Variants in TBL3 observed in about 807,000 individuals in gnomAD.
TBL3 encodes transducin beta-like protein 3.
A neutral mutation model predicts 102.7 loss-of-function variants in TBL3; 71 were observed. The ratio of observed to expected loss-of-function variants is 0.69; its 90% CI spans 0.57 to 0.84. The LOEUF is 0.84. Among genes scored for constraint, TBL3 ranks in the 40% least tolerant of loss-of-function variants. The pLI is 0.00. For missense variants in TBL3, 1,188 were observed against 1,098.5 expected (o/e 1.08, Z -1.15); for synonymous variants, 578 against 477.7 (o/e 1.21, Z -2.74).
chr16:1,975,564 T>A lies in TBL3; in HGVS notation c.841T>A (p.Cys281Ser). 4 of 1,598,820 alleles carry A rather than the reference T, an allele frequency of 2.5e-6. No homozygotes were observed. Among genetic ancestry groups the A allele is most frequent in the Non-Finnish European group, 3.4e-6 (4 of 1,178,486 alleles). ...CGTGTGGGAGGCAGCTTCTGGGCAG[T>A]GTGTGTACACGCAGGCCCAGCCGCC... The part of the protein sequence containing the change: ...LRVWEAASGQ[C>S]VYTQAQPPGP... Residue 281 changes from cysteine (C) to serine (S), a missense_variant, in exon 10 of 22, where the codon TGT becomes AGT. Cys to Ser is a moderately radical substitution (Grantham distance 112, BLOSUM62 -1). Transcript: ENST00000568546.
intron 8 of TBL3, 23 bp from the exon 9 acceptor site, chr16:1,975,322 C>G: frequency 6.2e-7 from 1 of 1,613,980 alleles, no homozygotes; most frequent in Middle Eastern, 1.7e-4. Flanking sequence ...ATGATAGCAG[C>G]CTGTGACCCA....
rs774248002 is a variant in TBL3 at position 1,975,087 on chromosome 16, C to T, written c.624C>T (p.His208=). ...VTSLAFSADG[H]TMLSSGRDKI... ...CACTGGCCTTCAGCGCCGACGGCCA[C>T]ACCATGCTCAGGTCAGCAGTGGGCC... Residue 208 remains histidine (H), a synonymous_variant, in exon 7 of 22, where the codon CAC becomes CAT. Transcript: ENST00000568546. The T allele has an allele frequency of 1.2e-6, 2 of 1,611,316 alleles. No individual in the cohort carries two copies. Among genetic ancestry groups the T allele is most frequent in the South Asian group, 1.1e-5 (1 of 91,080 alleles).
intron 12 of TBL3, 45 bp downstream of exon 12, chr16:1,976,159 G>GCCA (rs2083400024): frequency 6.2e-7 from 1 of 1,613,670 alleles, no homozygotes; most frequent in Non-Finnish European, 8.5e-7. Flanking sequence ...AGGCGGGGAG[G>GCCA]CCACGCAGTA....
Position 1,978,863 on chromosome 16 carries a change from A to C in TBL3, c.*178A>C. Reference sequence around the variant, plus strand: ...CTCGGCCCTGCCACGCCCATCCCGCACCCTGGCCTGGCAGAGATCCAGCCC... The same window carrying C: ...CTCGGCCCTGCCACGCCCATCCCGCCCCCTGGCCTGGCAGAGATCCAGCCC... On this transcript the variant is annotated 3_prime_UTR_variant, in exon 22 of 22. Transcript: ENST00000568546. 1.8e-6 allele frequency: 2 copies of C among 1,095,720 alleles called. No homozygotes were observed. Among genetic ancestry groups the C allele is most frequent in the Non-Finnish European group, 2.6e-6 (2 of 776,880 alleles). The allele number at this position is 1,095,720 out of a possible 1,614,324, so 67.9% of individuals were successfully genotyped here.
At position 1,980,748 on chromosome 16, in the gene TBL3, G is replaced by C. The variant is rs1250807806; in HGVS notation, c.*2063G>C. 2 of 1,584,898 alleles carry C rather than the reference G, an allele frequency of 1.3e-6. No individual in the cohort carries two copies. Among genetic ancestry groups the C allele is most frequent in the Non-Finnish European group, 1.7e-6 (2 of 1,164,526 alleles). On this transcript the variant is annotated 3_prime_UTR_variant, in exon 22 of 22. Coordinates refer to ENST00000568546, the MANE Select transcript of TBL3 (RefSeq NM_006453.3). ...GAGGGTCTTCTGAGGGCGGGAACCAGGGCATTGGTCTTCCAGAGCCCACTG... is the reference window on the plus strand; with the variant it reads ...GAGGGTCTTCTGAGGGCGGGAACCACGGCATTGGTCTTCCAGAGCCCACTG...
chr16:1,977,118 C>T lies in TBL3; in HGVS notation c.1505C>T (p.Thr502Met), dbSNP rs745391788. The T allele has an allele frequency of 1.5e-5, 24 of 1,613,048 alleles. No individual in the cohort carries two copies. Among genetic ancestry groups the T allele is most frequent in the Admixed American group, 6.7e-5 (4 of 60,028 alleles). Residue 502 changes from threonine to methionine, a missense_variant, in exon 15 of 22, where the codon ACG becomes ATG. Physicochemically the swap from Thr to Met is moderately conservative, Grantham distance 81. Transcript: ENST00000568546. Reference protein sequence around the residue: ...KLLATGSQDRTAKLWALPQCQ... With the variant: ...KLLATGSQDRMAKLWALPQCQ... ...CTGGCCACAGGCTCACAGGACCGCA[C>T]GGCCAAGCTCTGGGCCCTGCCACAG...
At chr16:1,977,867 T>A (rs2083417021) in intron 18 of TBL3, 67 bp downstream of exon 18, 1 of 1,592,176 alleles carries the variant, frequency 6.3e-7, no homozygotes, top group African/African-American at 1.3e-5. Context: ...AAAACGAGGC[T>A]GAGTGCCAGG....
Position 1,975,539 on chromosome 16 carries a change from C to A in TBL3, c.816C>A (p.Arg272=). 1 of 1,597,834 alleles carries A rather than the reference C, an allele frequency of 6.3e-7. No homozygotes were observed. The highest frequency in any genetic ancestry group is 1.1e-5 in the South Asian group (1 of 90,784). ...FLTAGDQGTL[R]VWEAASGQCV... ...TCCCCACCCACACAGGCACTCTGCG[C>A]GTGTGGGAGGCAGCTTCTGGGCAGT... The change falls in exon 10 of 22, where the codon CGC becomes CGA. Residue 272 remains arginine (R), a synonymous_variant. Transcript: ENST00000568546.
intron 1 of TBL3, among the ~76,000 whole-genome samples, chr16:1,973,528 G>C (rs2083375765): frequency 6.6e-6 from 1 of 152,232 alleles, no homozygotes; most frequent in African/African-American, 2.4e-5. Context: ...GGCTGGACCA[G>C]GTGGAGGCAG....
At chr16:1,974,740 C>T in intron 5 of TBL3, 23 bp from the exon 6 acceptor site, 1 of 1,612,048 alleles carries the variant, frequency 6.2e-7, no homozygotes, top group South Asian at 1.1e-5. Flanking sequence ...GGCATTCCAC[C>T]CCCTCACCTT....
Position 1,978,729 on chromosome 16 carries a change from C to T in TBL3, c.*44C>T. The T allele has an allele frequency of 1.3e-6, 2 of 1,582,436 alleles. No homozygotes were observed. Among genetic ancestry groups the T allele is most frequent in the Non-Finnish European group, 8.6e-7 (1 of 1,158,668 alleles). On this transcript the variant is annotated 3_prime_UTR_variant, in exon 22 of 22. Coordinates refer to ENST00000568546, the MANE Select transcript of TBL3 (RefSeq NM_006453.3). ...AGTCCATCCTGAACCCCTGGAAAAC[C>T]CATAAAGGCCGCTCTCCTGGCCGGC...
rs1002701556 is a variant in TBL3 at position 1,972,125 on chromosome 16, G to T, written c.-40G>T. Reference sequence around the variant, plus strand: ...TCCCTCACGCGGCGGTGGCTGCCGGGACCCTAGCAGGTTTCAGCTGGAGCG... The same window carrying T: ...TCCCTCACGCGGCGGTGGCTGCCGGTACCCTAGCAGGTTTCAGCTGGAGCG... On this transcript the variant is annotated 5_prime_UTR_variant, in exon 1 of 22. Coordinates refer to ENST00000568546, the MANE Select transcript of TBL3 (RefSeq NM_006453.3). 3 of 1,469,442 alleles carry T rather than the reference G, an allele frequency of 2.0e-6. No homozygotes were observed. The highest frequency in any genetic ancestry group is 3.0e-5 in the East Asian group (1 of 33,614). 91.0% of individuals were successfully genotyped at this position (1,469,442 alleles called of 1,614,324 possible).
At position 1,972,103 on chromosome 16, in the gene TBL3, C is replaced by T. The variant is rs1013566364; in HGVS notation, c.-62C>T. ...TGTGAAGAGTTCGGTGCTAACCTCCCTCACGCGGCGGTGGCTGCCGGGACC... is the reference window on the plus strand; with the variant it reads ...TGTGAAGAGTTCGGTGCTAACCTCCTTCACGCGGCGGTGGCTGCCGGGACC... On this transcript the variant is annotated 5_prime_UTR_variant, in exon 1 of 22. Coordinates refer to ENST00000568546, the MANE Select transcript of TBL3 (RefSeq NM_006453.3). 8 of 1,462,350 alleles carry T rather than the reference C, an allele frequency of 5.5e-6. No individual in the cohort carries two copies. Among genetic ancestry groups the T allele is most frequent in the African/African-American group, 1.5e-5 (1 of 67,288 alleles). 90.6% of individuals were successfully genotyped at this position (1,462,350 alleles called of 1,614,324 possible). A position where few individuals can be genotyped will look rare whatever the true frequency, so the allele number is the denominator to read the frequency against.
rs1362137036 is a variant in TBL3 at position 1,977,497 on chromosome 16, C to A, written c.1743-17C>A. 1 of 1,609,366 alleles carries A rather than the reference C, an allele frequency of 6.2e-7. No individual in the cohort carries two copies. Among genetic ancestry groups the A allele is most frequent in the Middle Eastern group, 1.7e-4 (1 of 6,060 alleles). On this transcript the variant is annotated splice_polypyrimidine_tract_variant and intron_variant, in intron 16 of 21. Transcript: ENST00000568546. ...GGGACCTGCCTGACGCTGAGCCTCT[C>A]CCCACCCCAAACCCAGCGGTTCGGA... is the stretch of plus-strand genomic sequence containing the variant.
At chr16:1,977,465 T>TGGGGGGG in intron 16 of TBL3, 39 bp downstream of exon 16, 1 of 578,916 alleles carries the variant, frequency 1.7e-6, no homozygotes, top group Admixed American at 2.5e-5. Context: ...GAGTGGGGGG[T>TGGGGGGG]GGCGGGGGGA....
intron 13 of TBL3, among the ~76,000 whole-genome samples, chr16:1,976,519 A>G (rs527292324): frequency 6.6e-5 from 10 of 152,292 alleles, no homozygotes; most frequent in Admixed American, 1.3e-4. Flanking sequence ...TGAAGTGGTT[A>G]AAGGGGGAAG....
chr16:1,978,688 G>C lies in TBL3; in HGVS notation c.*3G>C, dbSNP rs372559680. 1.1e-5 allele frequency: 17 copies of C among 1,604,658 alleles called. No homozygotes were observed. The highest frequency in any genetic ancestry group is 1.2e-5 in the Non-Finnish European group (14 of 1,174,030). On this transcript the variant is annotated 3_prime_UTR_variant, in exon 22 of 22. Coordinates refer to ENST00000568546, the MANE Select transcript of TBL3 (RefSeq NM_006453.3). ...CCCATAAAGGCGCACTGCCCTAGCCGGTCCGGCCTCTCTCCAGTCCATCCT... is the reference window on the plus strand; with the variant it reads ...CCCATAAAGGCGCACTGCCCTAGCCCGTCCGGCCTCTCTCCAGTCCATCCT...
intron 1 of TBL3, among the ~76,000 whole-genome samples, 200 bp from the exon 2 acceptor site, chr16:1,973,856 G>A (rs553215344): frequency 6.6e-4 from 101 of 152,310 alleles, no homozygotes; most frequent in Middle Eastern, 3.4e-3. Flanking sequence ...CCAGCTGCGG[G>A]TCTCTACTTC....
Position 1,981,071 on chromosome 16 carries a change from C to G in TBL3, c.*2386C>G, listed in dbSNP as rs367753686. ...GTGGAGGTGCTGGTCCAGGCACCCCCTTCCTATCCCTTGGGGCCACTAAGG... is the reference window on the plus strand; with the variant it reads ...GTGGAGGTGCTGGTCCAGGCACCCCGTTCCTATCCCTTGGGGCCACTAAGG... On this transcript the variant is annotated 3_prime_UTR_variant, in exon 22 of 22. Coordinates refer to ENST00000568546, the MANE Select transcript of TBL3 (RefSeq NM_006453.3). 2 of 1,611,218 alleles carry G rather than the reference C, an allele frequency of 1.2e-6. No homozygotes were observed. The highest frequency in any genetic ancestry group is 1.7e-6 in the Non-Finnish European group (2 of 1,178,122).
Sources: allele counts gnomAD v4.1 joint callset (sites outside exome capture counted in the v4.1 genomes callset), GRCh38; gene constraint gnomAD v4.1.1; transcripts MANE v1.5; gene names NCBI Gene and HGNC (gene_info 2026-07-23, HGNC 2026-07-21).